Variants in GREB1 observed in about 807,000 individuals in gnomAD.
GREB1 encodes protein GREB1.
GREB1 carries 106 observed loss-of-function variants against 200.7 expected under a neutral mutation model. That is an observed-to-expected ratio of 0.53 (90% CI 0.45 to 0.62). GREB1 has a LOEUF of 0.62. Among genes scored for constraint, GREB1 ranks in the 20% least tolerant of loss-of-function variants. GREB1 has a pLI of 0.00. For synonymous variants in GREB1, 1,132 were observed against 1,092.4 expected (o/e 1.04, Z -0.72); for missense variants, 2,243 against 2,556.8 (o/e 0.88, Z 2.65).
In GREB1 at chr2:11,605,544, A is replaced by G. The variant is rs376661640; in HGVS notation, c.2666+3002A>G. Among the ~76,000 whole-genome samples, 10 of 152,248 alleles carry G rather than the reference A, an allele frequency of 6.6e-5. No individual in the cohort carries two copies. In the South Asian group the frequency reaches 1.2e-3, roughly 19 times the overall value. ...CGGCTGTGCATATTTAAAGTATTCAATTTACATTTTGATCCACGTATAGAC... is the reference window on the plus strand; with the variant it reads ...CGGCTGTGCATATTTAAAGTATTCAGTTTACATTTTGATCCACGTATAGAC... On this transcript the variant is annotated intron_variant, in intron 17 of 32. Transcript: ENST00000381486.
intron 6 of GREB1, among the ~76,000 whole-genome samples, chr2:11,579,047 C>T (rs779116589): frequency 6.6e-6 from 1 of 152,220 alleles, no homozygotes; most frequent in African/African-American, 2.4e-5. Flanking sequence ...ATTGTTATCA[C>T]GGTGGACACC....
chr2:11,516,731 C>G (rs1673518117), intron 1 of GREB1, among the ~76,000 whole-genome samples: 1 of 152,208 alleles, frequency 6.6e-6, no homozygotes, highest in African/African-American at 2.4e-5. Context: ...GACCTTGGCG[C>G]CGTCCATCTA....
intron 1 of GREB1, among the ~76,000 whole-genome samples, chr2:11,498,623 C>T (rs985408202): frequency 1.3e-5 from 2 of 152,146 alleles, no homozygotes; most frequent in Admixed American, 6.5e-5. Context: ...GCCAAGCTGG[C>T]CAGGTGATGG....
At chr2:11,501,539 A>G (rs1673036766) in intron 1 of GREB1, among the ~76,000 whole-genome samples, 1 of 151,960 alleles carries the variant, frequency 6.6e-6, no homozygotes, top group African/African-American at 2.4e-5. Flanking sequence ...GACTACAGGC[A>G]CGTGCCACCA....
At position 11,618,850 on chromosome 2, in the gene GREB1, C is replaced by T. The variant is rs371137407; in HGVS notation, c.3975C>T (p.Tyr1325=). 1.2e-4 allele frequency: 185 copies of T among 1,597,224 alleles called. No individual in the cohort carries two copies. Among genetic ancestry groups the T allele is most frequent in the Non-Finnish European group, 1.5e-4 (176 of 1,176,062 alleles). ...WTVPRPSHMD[Y]GNRAEGRVDG... is the part of the protein sequence containing the mutation. ...TGCCCCGGCCCAGCCACATGGACTA[C>T]GGCAACCGGGCCGAGGGCCGCGTGG... is the stretch of plus-strand genomic sequence containing the variant. Residue 1325 remains tyrosine (Y), a synonymous_variant, in exon 22 of 33, where the codon TAC becomes TAT. Coordinates refer to ENST00000381486, the MANE Select transcript of GREB1 (RefSeq NM_014668.4).
intron 7 of GREB1, chr2:11,581,337 GCTCA>G (rs1679455659): frequency 3.0e-6 from 1 of 331,070 alleles, no homozygotes; most frequent in Non-Finnish European, 5.5e-6. Flanking sequence ...ACATCTGGCA[GCTCA>G]CTAATCGGTA....
At chr2:11,552,319 C>A (rs962916991) in intron 1 of GREB1, among the ~76,000 whole-genome samples, 1 of 152,208 alleles carries the variant, frequency 6.6e-6, no homozygotes, top group Non-Finnish European at 1.5e-5. Flanking sequence ...CACAGGCAGT[C>A]TGCAGAGTTG....
chr2:11,594,343 G>T (rs1419693025), intron 11 of GREB1, among the ~76,000 whole-genome samples: 1 of 146,648 alleles, frequency 6.8e-6, no homozygotes, highest in African/African-American at 2.5e-5. Flanking sequence ...TGTCTGAATT[G>T]TCTTTTAGCA....
intron 7 of GREB1, among the ~76,000 whole-genome samples, chr2:11,583,774 G>A (rs1679762790): frequency 6.6e-6 from 1 of 152,036 alleles, no homozygotes; most frequent in African/African-American, 2.4e-5. Flanking sequence ...CAGGAGAATC[G>A]CTTGAACTCA....
Position 11,618,607 on chromosome 2 carries a change from C to A in GREB1, c.3732C>A (p.Ala1244=). Residue 1244 remains alanine, a synonymous_variant, in exon 22 of 33, where the codon GCC becomes GCA. Transcript: ENST00000381486. ...APAAGTWVLQ[A]SQCSLTKACR... is the part of the protein sequence containing the mutation. ...CTGCCGGCACGTGGGTCCTGCAGGC[C>A]TCCCAGTGCTCCTTGACCAAGGCCT... 6.2e-7 allele frequency: 1 copy of A among 1,613,236 alleles called. No individual in the cohort carries two copies. Among genetic ancestry groups the A allele is most frequent in the Non-Finnish European group, 8.5e-7 (1 of 1,179,914 alleles).
intron 16 of GREB1, 74 bp from the exon 17 acceptor site, chr2:11,602,332 A>G (rs72772088): frequency 0.35 from 492,276 of 1,393,000 alleles, 90,804 homozygotes; most frequent in East Asian, 0.47. Flanking sequence ...GGTCATCCGC[A>G]GGCCTGGCAC....
Position 11,610,667 on chromosome 2 carries a change from GTC to G in GREB1, c.2667-15_2667-14del, listed in dbSNP as rs1252015190. On this transcript the variant is annotated intron_variant, in intron 17 of 32. Transcript: ENST00000381486. ...GGTGGGCGCGGCCGTCACAGACATG[GTC>G]TCTCTGTGTTCCTTGCAGGTTCCCC... 1 of 1,564,408 alleles carries G rather than the reference GTC, an allele frequency of 6.4e-7. No homozygotes were observed. Among genetic ancestry groups the G allele is most frequent in the South Asian group, 1.1e-5 (1 of 87,540 alleles).
intron 4 of GREB1, among the ~76,000 whole-genome samples, chr2:11,571,962 G>C (rs13429194): frequency 0.13 from 19,119 of 152,130 alleles, 2,339 homozygotes; most frequent in African/African-American, 0.3. Flanking sequence ...CCGCCTGCCT[G>C]CGCCTCCCAA....
chr2:11,595,418 A>G, intron 12 of GREB1, 39 bp downstream of exon 12: 3 of 1,598,240 alleles, frequency 1.9e-6, no homozygotes, highest in Non-Finnish European at 2.6e-6. Context: ...GCGTATGTTA[A>G]TAGGACAGTA....
intron 26 of GREB1, among the ~76,000 whole-genome samples, chr2:11,630,573 C>G (rs1684802564): frequency 6.6e-6 from 1 of 152,156 alleles, no homozygotes; most frequent in South Asian, 2.1e-4. Flanking sequence ...CCAACTCCAG[C>G]AATTGCTAAC....
chr2:11,533,548 CG>C (rs1202969738), upstream of GREB1, among the ~76,000 whole-genome samples: 2 of 152,132 alleles, frequency 1.3e-5, no homozygotes, highest in Non-Finnish European at 2.9e-5. Flanking sequence ...AAACAGAAGC[CG>C]GGAACAACAA....
chr2:11,509,708 A>G (rs1190862835), intron 1 of GREB1, among the ~76,000 whole-genome samples: 1 of 152,142 alleles, frequency 6.6e-6, no homozygotes, highest in Non-Finnish European at 1.5e-5. Flanking sequence ...CCCTTAGAAA[A>G]GAGGTTCTGA....
intron 22 of GREB1, among the ~76,000 whole-genome samples, 189 bp downstream of exon 22, chr2:11,619,108 G>T (rs1683784918): frequency 6.6e-6 from 1 of 152,186 alleles, no homozygotes; most frequent in South Asian, 2.1e-4. Context: ...CTCAGGGCTG[G>T]TGGCTTCCAT....
intron 1 of GREB1, among the ~76,000 whole-genome samples, chr2:11,527,860 A>C (rs763127530): frequency 5.9e-5 from 9 of 152,196 alleles, no homozygotes; most frequent in Non-Finnish European, 1.2e-4. Context: ...AAAGCATTCT[A>C]ACAAAGTCCC....
Sources: gnomAD v4.1 joint callset for allele counts (sites outside exome capture counted in the v4.1 genomes callset) on GRCh38, gnomAD v4.1.1 for gene constraint, MANE v1.5 for transcripts, NCBI Gene and HGNC (gene_info 2026-07-23, HGNC 2026-07-21) for gene names.